Variants in INSC observed in about 807,000 individuals in gnomAD.
INSC encodes the protein INSC spindle orientation adaptor protein.
In INSC, 67 loss-of-function variants were observed where a neutral mutation model predicts 58.6. The ratio of observed to expected loss-of-function variants is 1.14; its 90% confidence interval spans 0.94 to 1.40. INSC has a LOEUF of 1.40. Ranked by LOEUF, INSC falls within the 40% of genes most tolerant of loss-of-function variation. The probability of loss-of-function intolerance (pLI) is 0.00; values close to 1 mark genes in which losing one functional copy is unlikely to be tolerated. For missense variants in INSC, 714 were observed against 692.0 expected (o/e 1.03, Z -0.36); for synonymous variants, 262 against 276.1 (o/e 0.95, Z 0.51).
rs377057311 is a variant in INSC, at chr11:15,129,166, T to C, written c.-46+14163T>C. 1.2e-3 allele frequency among the ~76,000 whole-genome samples: 188 copies of C among 152,252 alleles called. 1 individual carries two copies. Among genetic ancestry groups the C allele is most frequent in the African/African-American group, 4.3e-3 (178 of 41,550 alleles). On this transcript the variant is annotated intron_variant, in intron 1 of 12. Coordinates refer to ENST00000379556, the MANE Select transcript of INSC (RefSeq NM_001042536.3). ...ACCCCATTCACTTTCTATTTGTAAT[T>C]TGGGATCTGTGTGTGAGAGCTCTGA...
chr11:15,172,025 A>G (rs1452873246), intron 2 of INSC, among the ~76,000 whole-genome samples: 2 of 152,238 alleles, frequency 1.3e-5, no homozygotes, highest in African/African-American at 2.4e-5. Flanking sequence ...GGCCTTTAGC[A>G]AAGAAGAGGG....
intron 12 of INSC, 48 bp from the exon 13 acceptor site, chr11:15,245,863 CT>C (rs760685995): frequency 6.3e-7 from 1 of 1,588,674 alleles, no homozygotes; most frequent in Non-Finnish European, 8.6e-7. Context: ...ATACATGTAC[CT>C]GACATGGCCC....
intron 5 of INSC, among the ~76,000 whole-genome samples, chr11:15,185,839 T>C (rs1351622355): frequency 6.6e-6 from 1 of 152,232 alleles, no homozygotes; most frequent in Non-Finnish European, 1.5e-5. Flanking sequence ...TTACATTCTT[T>C]CCAACTTTGT....
chr11:15,146,848 C>CA (rs1554905215), intron 1 of INSC, among the ~76,000 whole-genome samples: 4 of 151,684 alleles, frequency 2.6e-5, no homozygotes, highest in African/African-American at 9.7e-5. Flanking sequence ...TATGACAACT[C>CA]TTTTTTTTTC....
Position 15,239,036 on chromosome 11 carries a change from G to A in INSC, c.1355G>A (p.Arg452Gln), listed in dbSNP as rs1234273411. The change falls in exon 11 of 13, where the codon CGA (arginine) becomes CAA (glutamine). Residue 452 changes from arginine to glutamine, a missense_variant. Coordinates refer to ENST00000379556, the MANE Select transcript of INSC (RefSeq NM_001042536.3). ...GCAGTGACCCTGGCTCGTCTCAGCC[G>A]AGACCCAGATGTGGCACGGGAGGCC... Reference protein sequence around the residue: ...KAAVTLARLSRDPDVAREAVR... With the variant: ...KAAVTLARLSQDPDVAREAVR... 12 of 1,613,976 alleles carry A rather than the reference G, an allele frequency of 7.4e-6. No individual in the cohort carries two copies. The African/African-American group carries it at 8.0e-5, about 11-fold the overall frequency.
At chr11:15,208,786 C>A (rs1235510026) in intron 7 of INSC, among the ~76,000 whole-genome samples, 1 of 152,126 alleles carries the variant, frequency 6.6e-6, no homozygotes, top group East Asian at 1.9e-4. Flanking sequence ...CTCGGTGGGA[C>A]CCCATGTGCT....
intron 1 of INSC, among the ~76,000 whole-genome samples, chr11:15,128,871 G>T (rs962277366): frequency 6.6e-6 from 1 of 152,188 alleles, no homozygotes; most frequent in Non-Finnish European, 1.5e-5. Context: ...TTAGCAGGGT[G>T]GTGGGTATCT....
At chr11:15,153,512 T>A (rs1473143342) in intron 2 of INSC, among the ~76,000 whole-genome samples, 2 of 152,222 alleles carry the variant, frequency 1.3e-5, no homozygotes, top group African/African-American at 4.8e-5. Flanking sequence ...TGGTGAGATG[T>A]GCAGACTGTA....
At chr11:15,222,587 G>A (rs919531405) in intron 8 of INSC, among the ~76,000 whole-genome samples, 1 of 152,018 alleles carries the variant, frequency 6.6e-6, no homozygotes. Flanking sequence ...GTGAGATCCC[G>A]CCACTCACTT....
At chr11:15,243,955 T>C (rs1348844092) in intron 12 of INSC, among the ~76,000 whole-genome samples, 3 of 151,908 alleles carry the variant, frequency 2.0e-5, no homozygotes, top group African/African-American at 4.8e-5. Flanking sequence ...TTCATCTCTG[T>C]CTGTTTTAAT....
intron 9 of INSC, among the ~76,000 whole-genome samples, chr11:15,229,993 A>ATTT (rs1332650194): frequency 3.5e-5 from 1 of 28,456 alleles, no homozygotes; most frequent in Non-Finnish European, 5.6e-5. Flanking sequence ...ATATATATAT[A>ATTT]TATATATATA....
chr11:15,214,561 G>A (rs571473659), intron 7 of INSC, among the ~76,000 whole-genome samples: 1 of 152,226 alleles, frequency 6.6e-6, no homozygotes, highest in South Asian at 2.1e-4. Context: ...AACCACCACT[G>A]GTGCTTTTCC....
chr11:15,128,037 G>A (rs952482755), intron 1 of INSC, among the ~76,000 whole-genome samples: 9 of 151,670 alleles, frequency 5.9e-5, no homozygotes, highest in East Asian at 1.9e-4. Context: ...TCTAATCTGG[G>A]TTCTACCACA....
intron 1 of INSC, among the ~76,000 whole-genome samples, chr11:15,123,523 G>A (rs1389115874): frequency 6.6e-6 from 1 of 152,180 alleles, no homozygotes; most frequent in African/African-American, 2.4e-5. Context: ...GGAGGAAAAT[G>A]ATCATTCATT....
chr11:15,136,393 A>G (rs1848245974), intron 1 of INSC, among the ~76,000 whole-genome samples: 1 of 151,800 alleles, frequency 6.6e-6, no homozygotes, highest in South Asian at 2.1e-4. Flanking sequence ...TGCTGTGGCA[A>G]TTTCTTAAAA....
chr11:15,230,607 T>G (rs1996554), intron 9 of INSC, among the ~76,000 whole-genome samples: 1 of 152,042 alleles, frequency 6.6e-6, no homozygotes, highest in Non-Finnish European at 1.5e-5. Flanking sequence ...TATTGTGTAG[T>G]ATTGGAGGAA....
At chr11:15,236,905 A>T (rs186482609) in intron 10 of INSC, among the ~76,000 whole-genome samples, 36 of 152,356 alleles carry the variant, frequency 2.4e-4, no homozygotes, top group African/African-American at 8.4e-4. Context: ...TGAGCTAATA[A>T]TGAGAAACTT....
intron 2 of INSC, among the ~76,000 whole-genome samples, chr11:15,170,477 A>G (rs143163694): frequency 4.3e-4 from 66 of 152,252 alleles, no homozygotes; most frequent in African/African-American, 1.4e-3. Context: ...CGCTTCCCTC[A>G]TCATGAGACT....
At chr11:15,184,263 C>A (rs962666003) in intron 5 of INSC, among the ~76,000 whole-genome samples, 2 of 151,662 alleles carry the variant, frequency 1.3e-5, no homozygotes, top group Non-Finnish European at 2.9e-5. Context: ...ACAATTAAAT[C>A]AGATTTTATT....
Sources: gnomAD v4.1 joint callset for allele counts (sites outside exome capture counted in the v4.1 genomes callset) on GRCh38, gnomAD v4.1.1 for gene constraint, MANE v1.5 for transcripts, NCBI Gene and HGNC (gene_info 2026-07-23, HGNC 2026-07-21) for gene names.